Variants in WDFY2 observed in about 807,000 individuals in gnomAD.
The protein encoded by WDFY2 is WD repeat and FYVE domain-containing protein 2.
A neutral mutation model predicts 56.4 loss-of-function variants in WDFY2; 36 were observed. The observed-to-expected ratio is 0.64, with a 90% confidence interval of 0.49 to 0.84. The LOEUF is 0.84. Ranked by LOEUF, WDFY2 falls within the 40% of genes least tolerant of loss-of-function variation. WDFY2 has a pLI of 0.00. For synonymous variants in WDFY2, 176 were observed against 183.7 expected, an observed-to-expected ratio of 0.96 and a Z score of 0.34; for missense variants, 444 against 512.2, an observed-to-expected ratio of 0.87 and a Z score of 1.29.
At chr13:51,610,226 A>G (rs928176303) in intron 1 of WDFY2, among the ~76,000 whole-genome samples, 12 of 149,370 alleles carry the variant, frequency 8.0e-5, no homozygotes, top group Non-Finnish European at 1.5e-5. Context: ...TTTTGCTCCC[A>G]AACTTATTTG....
At chr13:51,628,249 A>G (rs1367005721) in intron 1 of WDFY2, among the ~76,000 whole-genome samples, 1 of 152,160 alleles carries the variant, frequency 6.6e-6, no homozygotes, top group African/African-American at 2.4e-5. Context: ...TCAGTGCCCA[A>G]AGTTTCAGAG....
chr13:51,744,282 GT>G (rs1179050943), intron 7 of WDFY2, among the ~76,000 whole-genome samples: 2 of 152,210 alleles, frequency 1.3e-5, no homozygotes, highest in Non-Finnish European at 2.9e-5. Flanking sequence ...ATACATTTGA[GT>G]TCCCCTTACT....
At chr13:51,734,929 A>G (rs1452574403) in intron 6 of WDFY2, among the ~76,000 whole-genome samples, 1 of 152,246 alleles carries the variant, frequency 6.6e-6, no homozygotes, top group Non-Finnish European at 1.5e-5. Context: ...CAAGCATTGA[A>G]GCCCTGGGCT....
chr13:51,641,758 G>A (rs1955166615), intron 1 of WDFY2, among the ~76,000 whole-genome samples: 3 of 146,926 alleles, frequency 2.0e-5, no homozygotes, highest in Non-Finnish European at 3.0e-5. Context: ...CCCGGGAGGC[G>A]GAGCTTGCAG....
intron 1 of WDFY2, among the ~76,000 whole-genome samples, chr13:51,595,491 A>AT (rs991076089): frequency 2.0e-5 from 3 of 152,078 alleles, no homozygotes; most frequent in Non-Finnish European, 4.4e-5. Flanking sequence ...AAGCCATGAA[A>AT]TTATCGCCTG....
intron 6 of WDFY2, among the ~76,000 whole-genome samples, chr13:51,732,915 C>T (rs943771189): frequency 6.6e-6 from 1 of 152,224 alleles, no homozygotes; most frequent in African/African-American, 2.4e-5. Context: ...GAGAATTCAT[C>T]CAAACATTAT....
At chr13:51,745,549 A>C (rs1953075030) in intron 7 of WDFY2, among the ~76,000 whole-genome samples, 1 of 152,028 alleles carries the variant, frequency 6.6e-6, no homozygotes, top group Non-Finnish European at 1.5e-5. Context: ...GATCAGTAAA[A>C]ATACTAAAAG....
At chr13:51,749,248 G>A (rs902743642) in intron 7 of WDFY2, among the ~76,000 whole-genome samples, 4 of 151,672 alleles carry the variant, frequency 2.6e-5, no homozygotes, top group East Asian at 1.9e-4. Flanking sequence ...AGTATATATC[G>A]ATCATTATCA....
intron 3 of WDFY2, among the ~76,000 whole-genome samples, chr13:51,689,721 C>T (rs1593415535): frequency 6.6e-6 from 1 of 152,126 alleles, no homozygotes; most frequent in African/African-American, 2.4e-5. Flanking sequence ...CTGGGTGAAA[C>T]AATGTCCCAT....
intron 2 of WDFY2, 102 bp downstream of exon 2, chr13:51,660,765 C>T (rs1955597743): frequency 2.0e-6 from 2 of 983,654 alleles, no homozygotes; most frequent in Non-Finnish European, 3.1e-6. Context: ...TTGGGATTCT[C>T]ATTATAATGA....
At chr13:51,635,972 T>C (rs1277988930) in intron 1 of WDFY2, among the ~76,000 whole-genome samples, 3 of 152,222 alleles carry the variant, frequency 2.0e-5, no homozygotes, top group Non-Finnish European at 2.9e-5. Flanking sequence ...TTCTCAGATA[T>C]GGAAGCACCT....
At chr13:51,622,853 CTTTTTTTTT>C (rs59372497) in intron 1 of WDFY2, among the ~76,000 whole-genome samples, 3 of 130,964 alleles carry the variant, frequency 2.3e-5, no homozygotes, top group Non-Finnish European at 3.2e-5. Flanking sequence ...TAACTTTACA[CTTTTTTTTT>C]TTTTTTTTTT....
At chr13:51,756,697 G>C (rs1402545929) in intron 10 of WDFY2, 2 of 965,420 alleles carry the variant, frequency 2.1e-6, no homozygotes, top group African/African-American at 3.5e-5. Flanking sequence ...CTAATTTCTA[G>C]GTTATGTGCC....
rs1953618271 is a variant in WDFY2 at position 51,762,541 on chromosome 13, TG to T, written c.*2773del. ...GTGTGTTTGTAATACTGTGAATTCTTGCGTTTTGCATTAAGTGTCTCCCCCA... is the reference window on the plus strand; with the variant it reads ...GTGTGTTTGTAATACTGTGAATTCTTCGTTTTGCATTAAGTGTCTCCCCCA... On this transcript the variant is annotated 3_prime_UTR_variant, in exon 12 of 12. Coordinates refer to ENST00000298125, the MANE Select transcript of WDFY2 (RefSeq NM_052950.4). 6.6e-6 allele frequency: 1 copy of T among 152,234 alleles called. No individual in the cohort carries two copies. Among genetic ancestry groups the T allele is most frequent in the Non-Finnish European group, 1.5e-5 (1 of 68,034 alleles). 9.4% of individuals were successfully genotyped at this position (152,234 alleles called of 1,614,324 possible).
intron 9 of WDFY2, among the ~76,000 whole-genome samples, chr13:51,755,873 G>T (rs1430514932): frequency 6.6e-6 from 1 of 151,954 alleles, no homozygotes; most frequent in Non-Finnish European, 1.5e-5. Context: ...TGATTCCATG[G>T]TTCTGTTTGG....
intron 6 of WDFY2, 60 bp downstream of exon 6, chr13:51,727,850 T>G: frequency 6.7e-7 from 1 of 1,486,240 alleles, no homozygotes; most frequent in Non-Finnish European, 9.3e-7. Flanking sequence ...GCCTGCTGCA[T>G]CTCCTGATGT....
At chr13:51,595,837 G>T (rs1411003543) in intron 1 of WDFY2, among the ~76,000 whole-genome samples, 5 of 152,152 alleles carry the variant, frequency 3.3e-5, no homozygotes, top group Non-Finnish European at 5.9e-5. Flanking sequence ...TATAAATAAA[G>T]GTGGGTATTG....
In WDFY2 at chr13:51,586,229, T is replaced by C. The variant is rs188891283; in HGVS notation, c.137+1405T>C. The C allele has an allele frequency of 1.8e-4, 72 of 394,802 alleles. No homozygotes were observed. The East Asian group carries it at 2.5e-3, about 14-fold the overall frequency. The allele number at this position is 394,802 out of a possible 1,614,324, so 24.5% of individuals were successfully genotyped here. On this transcript the variant is annotated intron_variant, in intron 1 of 11. Transcript: ENST00000298125. ...GACCTAGAAATTCTTTGGCACAGTA[T>C]TGTTTTTATGGGATATATTCCATAA...
intron 5 of WDFY2, among the ~76,000 whole-genome samples, chr13:51,719,990 C>T (rs1417925578): frequency 2.0e-5 from 3 of 152,156 alleles, no homozygotes; most frequent in East Asian, 3.9e-4. Context: ...GACTAGGCTC[C>T]GGCAAGCACA....
Sources: allele counts gnomAD v4.1 joint callset (sites outside exome capture counted in the v4.1 genomes callset), GRCh38; gene constraint gnomAD v4.1.1; transcripts MANE v1.5; gene names NCBI Gene and HGNC (gene_info 2026-07-23, HGNC 2026-07-21).